The following UTP6 variants were observed in gnomAD, a reference collection of about 807,000 sequenced individuals.
UTP6 encodes U3 small nucleolar RNA-associated protein 6 homolog.
In UTP6, 60 loss-of-function variants were observed where a neutral mutation model predicts 96.5. The observed-to-expected ratio is 0.62, with a 90% CI of 0.51 to 0.77. The LOEUF is 0.77. Among genes scored for constraint, UTP6 ranks in the 30% least tolerant of loss-of-function variants. The pLI, the probability that UTP6 is intolerant of heterozygous loss-of-function variation, is 0.00. For synonymous variants in UTP6, 215 were observed against 240.1 expected, an observed-to-expected ratio of 0.90 and a Z score of 0.96; for missense variants, 637 against 706.5, an observed-to-expected ratio of 0.90 and a Z score of 1.12.
chr17:31,870,038 G>C (rs765510019), intron 16 of UTP6, among the ~76,000 whole-genome samples: 1 of 152,178 alleles, frequency 6.6e-6, no homozygotes, highest in Non-Finnish European at 1.5e-5. Context: ...GTATTCCATA[G>C]AGTATATTTA....
rs571893201 is a variant in UTP6, at chr17:31,889,645, C to T, written c.425-242G>A. The stretch of plus-strand genomic sequence containing the variant: ...CCGAGTAGCTGGTACTACAGGCACC[C>T]GCCACCATGCCCGGCTAATTTTTTT... On this transcript the variant is annotated intron_variant, in intron 6 of 18. Coordinates refer to ENST00000261708, the MANE Select transcript of UTP6 (RefSeq NM_018428.3). 1.1e-4 allele frequency among the ~76,000 whole-genome samples: 16 copies of T among 151,908 alleles called. No individual in the cohort carries two copies. The South Asian group carries it at 1.5e-3, about 14-fold the overall frequency.
intron 6 of UTP6, chr17:31,892,002 G>A (rs929383937): frequency 9.8e-6 from 4 of 408,994 alleles, no homozygotes; most frequent in Non-Finnish European, 1.4e-5. Context: ...CAGCCTGGGC[G>A]ACAGAGCGAG....
intron 17 of UTP6, among the ~76,000 whole-genome samples, chr17:31,865,732 A>G (rs531927702): frequency 6.6e-6 from 1 of 152,362 alleles, no homozygotes; most frequent in East Asian, 1.9e-4. Context: ...GTCTTGAGGA[A>G]TGAGTGGGAA....
At chr17:31,871,351 G>A (rs983551702) in intron 16 of UTP6, among the ~76,000 whole-genome samples, 1 of 152,008 alleles carries the variant, frequency 6.6e-6, no homozygotes, top group African/African-American at 2.4e-5. Context: ...TCAAATGCTT[G>A]GGATCAAGCA....
intron 10 of UTP6, among the ~76,000 whole-genome samples, chr17:31,881,407 C>T (rs1247781852): frequency 6.6e-6 from 1 of 151,620 alleles, no homozygotes; most frequent in Non-Finnish European, 1.5e-5. Context: ...GCTGGAATTA[C>T]AGACGCATAC....
intron 16 of UTP6, among the ~76,000 whole-genome samples, chr17:31,868,324 G>GTTTTT (rs1567776595): frequency 1.7e-5 from 1 of 58,830 alleles, no homozygotes; most frequent in African/African-American, 5.0e-5. Context: ...TTAGTTTTTT[G>GTTTTT]GTTTTTTTTT....
At chr17:31,869,763 C>T (rs1440791172) in intron 16 of UTP6, among the ~76,000 whole-genome samples, 2 of 152,194 alleles carry the variant, frequency 1.3e-5, no homozygotes, top group Non-Finnish European at 2.9e-5. Context: ...TAGACTGACC[C>T]TGTTACCTGG....
At chr17:31,870,463 A>G (rs1388986384) in intron 16 of UTP6, among the ~76,000 whole-genome samples, 1 of 145,172 alleles carries the variant, frequency 6.9e-6, no homozygotes, top group African/African-American at 2.5e-5. Context: ...CAATACAGCT[A>G]TTATGTTTGT....
At chr17:31,892,146 T>C in intron 6 of UTP6, 114 bp downstream of exon 6, 1 of 1,157,274 alleles carries the variant, frequency 8.6e-7, no homozygotes, top group Non-Finnish European at 1.2e-6. Flanking sequence ...TGAGGCCAAC[T>C]GCCTAAGCTC....
At position 31,892,397 on chromosome 17, in the gene UTP6, C is replaced by T; in HGVS notation, c.361-74G>A. 3.5e-6 allele frequency: 5 copies of T among 1,418,626 alleles called. No homozygotes were observed. The South Asian group carries it at 5.9e-5, about 17-fold the overall frequency. The allele number at this position is 1,418,626 out of a possible 1,614,324, so 87.9% of individuals were successfully genotyped here. ...TCTTACTCTCTAAGTAATATGTACC[C>T]TAACTTTACCAACTGTAAAATCCAA... On this transcript the variant is annotated intron_variant, in intron 5 of 18. Transcript: ENST00000261708.
At chr17:31,895,573 G>A (rs758375381) in intron 2 of UTP6, among the ~76,000 whole-genome samples, 20 of 152,074 alleles carry the variant, frequency 1.3e-4, no homozygotes, top group Non-Finnish European at 1.3e-4. Context: ...TCCCTCTGTC[G>A]CCCAGGCTAG....
In UTP6 at chr17:31,868,109, T is replaced by C. The variant is rs1456069816; in HGVS notation, c.1500A>G (p.Leu500=). 6.2e-7 allele frequency: 1 copy of C among 1,612,428 alleles called. No individual in the cohort carries two copies. Among genetic ancestry groups the C allele is most frequent in the Admixed American group, 1.7e-5 (1 of 59,826 alleles). The change falls in exon 17 of 19, where the codon TTA becomes TTG. Residue 500 remains leucine, a synonymous_variant. Transcript: ENST00000261708. The part of the protein sequence containing the change: ...YKKARAVFKS[L]QESRPFSVDF... ...CAACTGAAAATGGTCGGCTCTCCTG[T>C]AAACTAAAAAGGAAGGAGAAAACGT...
At chr17:31,875,101 T>C in intron 14 of UTP6, 133 bp downstream of exon 14, 3 of 1,001,512 alleles carry the variant, frequency 3.0e-6, no homozygotes, top group Non-Finnish European at 4.4e-6. Flanking sequence ...TCTTAACCTA[T>C]GAACCATCAC....
chr17:31,900,846 G>C (rs1348781399), intron 1 of UTP6, among the ~76,000 whole-genome samples: 1 of 152,182 alleles, frequency 6.6e-6, no homozygotes, highest in African/African-American at 2.4e-5. Context: ...GGTGTCTTTA[G>C]TAATGGTAAC....
At chr17:31,896,290 C>A (rs1279407429) in intron 2 of UTP6, among the ~76,000 whole-genome samples, 1 of 151,894 alleles carries the variant, frequency 6.6e-6, no homozygotes, top group African/African-American at 2.4e-5. Context: ...GTTGACCAGG[C>A]TGATCTCCAA....
Position 31,870,615 on chromosome 17 carries a change from G to A in UTP6, c.1497-2503C>T, listed in dbSNP as rs1486400842. ...CAGCTCACTGCAAGCTCCGCCTCCC[G>A]GGTTCATGCCATTCTCCTGCCTCAG... On this transcript the variant is annotated intron_variant, in intron 16 of 18. Transcript: ENST00000261708. 4.1e-5 allele frequency among the ~76,000 whole-genome samples: 6 copies of A among 146,672 alleles called. No individual in the cohort carries two copies. The South Asian group carries it at 6.9e-4, about 17-fold the overall frequency.
rs1370188130 is a variant in UTP6 at position 31,862,602 on chromosome 17, C to T, written c.*757G>A. On this transcript the variant is annotated 3_prime_UTR_variant, in exon 19 of 19. Transcript: ENST00000261708. ...TTTTTTTCCTTGAGAAGGAGTTTCG[C>T]TCTTCTTACCCAGGATGGAGTAGCA... The T allele has an allele frequency of 6.6e-6, 1 of 150,928 alleles. No homozygotes were observed. Among genetic ancestry groups the T allele is most frequent in the African/African-American group, 2.5e-5 (1 of 40,570 alleles). 9.3% of individuals were successfully genotyped at this position (150,928 alleles called of 1,614,324 possible).
intron 13 of UTP6, among the ~76,000 whole-genome samples, chr17:31,877,923 C>T (rs757997590): frequency 1.3e-5 from 2 of 149,458 alleles, no homozygotes; most frequent in African/African-American, 4.9e-5. Context: ...GCTGAGATCG[C>T]GCCACTGTGC....
chr17:31,889,039 T>C lies in UTP6; in HGVS notation c.543+246A>G, dbSNP rs1162903902. Among the ~76,000 whole-genome samples, 4 of 149,628 alleles carry C rather than the reference T, an allele frequency of 2.7e-5. No homozygotes were observed. In the East Asian group the frequency reaches 7.9e-4, roughly 30 times the overall value. Reference sequence around the variant, plus strand: ...GTGAGCCGAGACCGTGCCACTGCACTCCAGCCTGGGCAACAGAGCAAGACT... The same window carrying C: ...GTGAGCCGAGACCGTGCCACTGCACCCCAGCCTGGGCAACAGAGCAAGACT... On this transcript the variant is annotated intron_variant, in intron 7 of 18. Transcript: ENST00000261708.
Sources: gnomAD v4.1 joint callset for allele counts (sites outside exome capture counted in the v4.1 genomes callset) on GRCh38, gnomAD v4.1.1 for gene constraint, MANE v1.5 for transcripts, NCBI Gene and HGNC (gene_info 2026-07-23, HGNC 2026-07-21) for gene names.